The following FBN2 variants were observed in gnomAD, a reference collection of about 807,000 sequenced individuals.
FBN2 encodes fibrillin-2.
FBN2 carries 105 observed loss-of-function variants against 355.6 expected under a neutral mutation model. The ratio of observed to expected loss-of-function variants is 0.30; its 90% CI spans 0.25 to 0.35. The LOEUF is 0.35. FBN2 is among the 10% of genes least tolerant of loss of function. FBN2 has a pLI of 1.00. For synonymous variants in FBN2, 1,350 were observed against 1,301.2 expected (o/e 1.04, Z -0.81); for missense variants, 3,280 against 3,758.7 (o/e 0.87, Z 3.33).
At chr5:128,499,362 T>C (rs1159068870) in intron 5 of FBN2, among the ~76,000 whole-genome samples, 2 of 152,172 alleles carry the variant, frequency 1.3e-5, no homozygotes, top group East Asian at 1.9e-4. Flanking sequence ...TGGGGTACTT[T>C]GTAAGGGCCT....
At chr5:128,301,038 C>T (rs921700547) in intron 47 of FBN2, 102 bp from the exon 48 acceptor site, 17 of 1,023,864 alleles carry the variant, frequency 1.7e-5, no homozygotes, top group African/African-American at 1.4e-4. Context: ...AACTCGGGTC[C>T]TCTGATCTAC....
intron 7 of FBN2, among the ~76,000 whole-genome samples, chr5:128,415,222 C>A (rs1753164885): frequency 6.6e-6 from 1 of 152,152 alleles, no homozygotes; most frequent in East Asian, 1.9e-4. Context: ...CAAGTCCTCT[C>A]TTCTAGTTAT....
intron 4 of FBN2, among the ~76,000 whole-genome samples, chr5:128,521,079 C>T (rs1238875413): frequency 6.6e-6 from 1 of 152,110 alleles, no homozygotes; most frequent in Non-Finnish European, 1.5e-5. Flanking sequence ...ATGTTCATTG[C>T]AGCACTATTC....
At chr5:128,320,648 A>C (rs1253942846) in intron 34 of FBN2, among the ~76,000 whole-genome samples, 1 of 152,214 alleles carries the variant, frequency 6.6e-6, no homozygotes, top group African/African-American at 2.4e-5. Flanking sequence ...TTCAAATAAT[A>C]CAGAAAACAA....
At chr5:128,494,715 G>A (rs1012426405) in intron 5 of FBN2, among the ~76,000 whole-genome samples, 2 of 152,166 alleles carry the variant, frequency 1.3e-5, no homozygotes, top group African/African-American at 4.8e-5. Context: ...CCTCTGGGGG[G>A]CAGCATGAAA....
rs150675828 is a variant in FBN2 at position 128,364,162 on chromosome 5, G to A, written c.2428+438C>T. Reference sequence around the variant, plus strand: ...AATCATTCTCTTATAATTAAAAAAGGAAATACCTTTGTCTTAGTTGTCATG... The same window carrying A: ...AATCATTCTCTTATAATTAAAAAAGAAAATACCTTTGTCTTAGTTGTCATG... On this transcript the variant is annotated intron_variant, in intron 18 of 64. Coordinates refer to ENST00000262464, the MANE Select transcript of FBN2 (RefSeq NM_001999.4). Among the ~76,000 whole-genome samples the A allele has an allele frequency of 4.4e-3, 670 of 152,092 alleles. 1 individual carries two copies. The highest frequency in any genetic ancestry group is 6.5e-3 in the Non-Finnish European group (444 of 67,972).
intron 8 of FBN2, among the ~76,000 whole-genome samples, chr5:128,407,824 C>T (rs1256296299): frequency 1.3e-5 from 2 of 152,162 alleles, no homozygotes; most frequent in African/African-American, 4.8e-5. Flanking sequence ...ATCATCAAGA[C>T]CTACAGAGAT....
rs1060504934 is a variant in FBN2, at chr5:128,376,837, T to C, written c.1866A>G (p.Thr622=). ...TTCCATTCAAACACATGTTGGTAGTTGTACATTCATCATGATCTGCAGAAG... is the reference window on the plus strand; with the variant it reads ...TTCCATTCAAACACATGTTGGTAGTCGTACATTCATCATGATCTGCAGAAG... ...GKNCVDHDEC[T]TTNMCLNGMC... is the part of the protein sequence containing the mutation. The change falls in exon 14 of 65, where the codon ACA becomes ACG. Residue 622 remains threonine (T), a synonymous_variant. Coordinates refer to ENST00000262464, the MANE Select transcript of FBN2 (RefSeq NM_001999.4). The C allele has an allele frequency of 8.7e-6, 14 of 1,613,416 alleles. No individual in the cohort carries two copies. Among genetic ancestry groups the C allele is most frequent in the East Asian group, 6.7e-5 (3 of 44,868 alleles).
chr5:128,261,598 C>T (rs1213834868), intron 64 of FBN2, 138 bp downstream of exon 64: 2 of 780,566 alleles, frequency 2.6e-6, no homozygotes, highest in East Asian at 2.5e-5. Flanking sequence ...TTGTCTTTTC[C>T]ATACTGGGTC....
intron 25 of FBN2, among the ~76,000 whole-genome samples, chr5:128,340,085 C>G (rs1017853746): frequency 3.9e-5 from 6 of 152,080 alleles, no homozygotes; most frequent in African/African-American, 1.4e-4. Flanking sequence ...ATGCTTATAA[C>G]TAAGATTTTT....
chr5:128,480,027 T>C (rs865854961), intron 5 of FBN2, among the ~76,000 whole-genome samples: 3,650 of 97,796 alleles, frequency 0.037, 182 homozygotes, highest in African/African-American at 0.044. Context: ...TATATATGTA[T>C]ATACACACAC....
At chr5:128,338,159 T>C in intron 26 of FBN2, 37 bp from the exon 27 acceptor site, 1 of 1,608,592 alleles carries the variant, frequency 6.2e-7, no homozygotes, top group South Asian at 1.1e-5. Flanking sequence ...TAAAGAACTC[T>C]GAGGGAAAAA....
rs772181058 is a variant in FBN2 at position 128,345,523 on chromosome 5, A to C, written c.3051T>G (p.Pro1017=). 6.8e-6 allele frequency: 11 copies of C among 1,614,220 alleles called. No homozygotes were observed. In the East Asian group the frequency reaches 2.5e-4, roughly 36 times the overall value. Residue 1017 remains proline (P), a synonymous_variant, in exon 24 of 65, where the codon CCT becomes CCG. Transcript: ENST00000262464. ...WDEDECIHPV[P]GKFRMDACCC... ...AGCAGGCATCCATGCGGAACTTTCC[A>C]GGAACGGGGTGGATGCATTCATCTT... is the stretch of plus-strand genomic sequence containing the variant.
At chr5:128,482,776 T>A (rs1345586624) in intron 5 of FBN2, among the ~76,000 whole-genome samples, 3 of 152,336 alleles carry the variant, frequency 2.0e-5, no homozygotes, top group South Asian at 2.1e-4. Flanking sequence ...TACAAAGGTA[T>A]AACTACTTAT....
chr5:128,480,997 G>A (rs1420384517), intron 5 of FBN2, among the ~76,000 whole-genome samples: 2 of 152,088 alleles, frequency 1.3e-5, no homozygotes, highest in East Asian at 3.9e-4. Flanking sequence ...TGGATAGCAG[G>A]ATCCTTCCAA....
intron 6 of FBN2, among the ~76,000 whole-genome samples, chr5:128,453,864 A>C (rs1754318709): frequency 6.6e-6 from 1 of 151,174 alleles, no homozygotes; most frequent in South Asian, 2.1e-4. Context: ...TGGTGGTGTG[A>C]CTCTTATATT....
At chr5:128,264,474 TA>T (rs1319755365) in intron 62 of FBN2, among the ~76,000 whole-genome samples, 3 of 152,230 alleles carry the variant, frequency 2.0e-5, no homozygotes, top group Non-Finnish European at 4.4e-5. Flanking sequence ...AAATACCTGG[TA>T]GCAGGATAAT....
intron 5 of FBN2, among the ~76,000 whole-genome samples, chr5:128,477,939 T>C (rs1264001007): frequency 6.6e-6 from 1 of 152,230 alleles, no homozygotes; most frequent in Non-Finnish European, 1.5e-5. Context: ...TAAATTAGCC[T>C]GGTTTATTCA....
At chr5:128,267,448 A>G (rs192556708) in intron 62 of FBN2, among the ~76,000 whole-genome samples, 19 of 152,252 alleles carry the variant, frequency 1.2e-4, no homozygotes, top group African/African-American at 4.6e-4. Context: ...ACAGTGTAAA[A>G]GTTTTCCTAT....
Sources: gnomAD v4.1 joint callset for allele counts (sites outside exome capture counted in the v4.1 genomes callset) on GRCh38, gnomAD v4.1.1 for gene constraint, MANE v1.5 for transcripts, NCBI Gene and HGNC (gene_info 2026-07-23, HGNC 2026-07-21) for gene names.